HERC1: variants seen among roughly 807,000 people sequenced by gnomAD.
HERC1 encodes the protein probable E3 ubiquitin-protein ligase HERC1.
A neutral mutation model predicts 554.3 loss-of-function variants in HERC1; 160 were observed. That is an observed-to-expected ratio of 0.29 (90% CI 0.25 to 0.33). The LOEUF (loss-of-function observed/expected upper bound fraction) is 0.33. Among genes scored for constraint, HERC1 ranks in the 10% least tolerant of loss-of-function variants. The probability of loss-of-function intolerance (pLI) is 1.00; values close to 1 mark genes in which losing one functional copy is unlikely to be tolerated. For missense variants in HERC1, 4,919 were observed against 5,918.5 expected, an observed-to-expected ratio of 0.83 and a Z score of 5.54; for synonymous variants, 2,175 against 2,131.7, an observed-to-expected ratio of 1.02 and a Z score of -0.56.
At chr15:63,810,878 A>G (rs1224237526) in intron 1 of HERC1, among the ~76,000 whole-genome samples, 3 of 152,240 alleles carry the variant, frequency 2.0e-5, no homozygotes, top group Non-Finnish European at 4.4e-5. Flanking sequence ...AGGTGATTTA[A>G]GGAGTACATA....
chr15:63,674,537 G>A lies in HERC1; in HGVS notation c.7651C>T (p.Pro2551Ser). The A allele has an allele frequency of 6.2e-7, 1 of 1,613,224 alleles. No homozygotes were observed. Among genetic ancestry groups the A allele is most frequent in the Non-Finnish European group, 8.5e-7 (1 of 1,179,514 alleles). Reference sequence around the variant, plus strand: ...ATCTCCACGTCTTCATGAACAACTGGAGAACTTGCACAGTCTGAGTTGTGG... The same window carrying A: ...ATCTCCACGTCTTCATGAACAACTGAAGAACTTGCACAGTCTGAGTTGTGG... ...NGHNSDCASSPVVHEDVEMRA... is the reference protein window; with the variant it reads ...NGHNSDCASSSVVHEDVEMRA... The change falls in exon 38 of 78, where the codon CCA (proline) becomes TCA (serine). Residue 2551 changes from proline to serine, a missense_variant. Transcript: ENST00000443617.
chr15:63,810,553 T>C (rs2077271304), intron 1 of HERC1, among the ~76,000 whole-genome samples: 1 of 152,100 alleles, frequency 6.6e-6, no homozygotes, highest in African/African-American at 2.4e-5. Flanking sequence ...TATGAATGAA[T>C]GAAAGGGAGA....
Position 63,775,728 on chromosome 15 carries a change from A to G in HERC1, c.-26-79T>C, listed in dbSNP as rs959263677. 1.2e-5 allele frequency: 12 copies of G among 989,640 alleles called. No homozygotes were observed. In the African/African-American group the frequency reaches 1.8e-4, roughly 15 times the overall value. The allele number at this position is 989,640 out of a possible 1,614,324, so 61.3% of individuals were successfully genotyped here. On this transcript the variant is annotated intron_variant, in intron 1 of 77. Coordinates refer to ENST00000443617, the MANE Select transcript of HERC1 (RefSeq NM_003922.4). This position sits in a 1 kb window ranked among gnomAD's most constrained non-coding sequence, Gnocchi z 4.0. ...TTTCCAAAATTTCATCTTACATTACAATTAATGATTTCAAACTGGTGAAAT... is the reference window on the plus strand; with the variant it reads ...TTTCCAAAATTTCATCTTACATTACGATTAATGATTTCAAACTGGTGAAAT...
chr15:63,612,017 T>A lies in HERC1; in HGVS notation c.14400+234A>T, dbSNP rs1246690298. On this transcript the variant is annotated intron_variant, in intron 77 of 77. Coordinates refer to ENST00000443617, the MANE Select transcript of HERC1 (RefSeq NM_003922.4). The surrounding 1 kb of genome is among the most constrained non-coding windows in gnomAD (Gnocchi z 5.0). ...CTGGCCAACATGGTGAATCCCCGTCTCTACCAAAATATACAAAAAAATTAG... is the reference window on the plus strand; with the variant it reads ...CTGGCCAACATGGTGAATCCCCGTCACTACCAAAATATACAAAAAAATTAG... Among the ~76,000 whole-genome samples, 1 of 152,152 alleles carries A rather than the reference T, an allele frequency of 6.6e-6. No individual in the cohort carries two copies. Among genetic ancestry groups the A allele is most frequent in the African/African-American group, 2.4e-5 (1 of 41,438 alleles).
At chr15:63,648,299 T>G (rs538196406) in intron 54 of HERC1, 100 bp from the exon 55 acceptor site, 20 of 1,211,942 alleles carry the variant, frequency 1.7e-5, no homozygotes, top group African/African-American at 3.0e-5. Flanking sequence ...AATGCAACCA[T>G]TGCAAGTAAA....
intron 12 of HERC1, among the ~76,000 whole-genome samples, chr15:63,743,263 C>CTTTTTTTTTTTTTT (rs71131177): frequency 1.5e-4 from 16 of 109,176 alleles, no homozygotes; most frequent in East Asian, 7.3e-4. Context: ...TTTTCTTTTT[C>CTTTTTTTTTTTTTT]TTTTTTTTTT....
intron 34 of HERC1, among the ~76,000 whole-genome samples, chr15:63,684,237 T>C (rs985941428): frequency 2.6e-5 from 4 of 152,238 alleles, no homozygotes; most frequent in African/African-American, 9.6e-5. Context: ...GACTGATCAA[T>C]TGACTCTACA....
At chr15:63,703,067 G>A (rs1424924534) in intron 25 of HERC1, among the ~76,000 whole-genome samples, 1 of 142,654 alleles carries the variant, frequency 7.0e-6, no homozygotes, top group African/African-American at 2.6e-5. Context: ...CCGTGATCAC[G>A]CCACTGCACT....
At chr15:63,700,990 T>C (rs754542602) in intron 25 of HERC1, among the ~76,000 whole-genome samples, 11 of 151,992 alleles carry the variant, frequency 7.2e-5, no homozygotes, top group Non-Finnish European at 1.0e-4. Context: ...TTACAAATGA[T>C]AGATTCTGGC....
chr15:63,761,317 C>T (rs1031590368), intron 3 of HERC1, among the ~76,000 whole-genome samples: 6 of 152,132 alleles, frequency 3.9e-5, no homozygotes, highest in Non-Finnish European at 5.9e-5. Flanking sequence ...CCATGGCTCA[C>T]GTCTGTAATA....
chr15:63,733,039 C>T lies in HERC1; in HGVS notation c.2753G>A (p.Cys918Tyr). The change falls in exon 14 of 78, where the codon TGT becomes TAT. Residue 918 changes from cysteine (C) to tyrosine (Y), a missense_variant. Around this residue, in one of 11 missense-constraint regions of HERC1, gnomAD observed 744 missense variants for 1,090.0 expected, o/e 0.68. Coordinates refer to ENST00000443617, the MANE Select transcript of HERC1 (RefSeq NM_003922.4). ...ATCTGACAGATTTCCGTAGCCAGTA[C>T]ACACAGAAGATAGGTCAGCAGCATC... ...PSDAADLSSV[C>Y]TGYGNLSDQP... 1.2e-6 allele frequency: 2 copies of T among 1,613,862 alleles called. No individual in the cohort carries two copies. Among genetic ancestry groups the T allele is most frequent in the Non-Finnish European group, 1.7e-6 (2 of 1,179,764 alleles).
At chr15:63,635,230 G>A (rs1017953125) in intron 65 of HERC1, among the ~76,000 whole-genome samples, 3 of 151,998 alleles carry the variant, frequency 2.0e-5, no homozygotes, top group Non-Finnish European at 2.9e-5. Context: ...TCTATTTTTT[G>A]TAGAGACAGG....
chr15:63,802,403 AC>A (rs2077023015), intron 1 of HERC1, among the ~76,000 whole-genome samples: 1 of 152,250 alleles, frequency 6.6e-6, no homozygotes, highest in African/African-American at 2.4e-5. Context: ...AGTCAAATAA[AC>A]CTGGAAACAG....
chr15:63,817,899 A>G (rs1400281181), intron 1 of HERC1, among the ~76,000 whole-genome samples: 1 of 152,018 alleles, frequency 6.6e-6, no homozygotes, highest in Non-Finnish European at 1.5e-5. Flanking sequence ...TAATAAAAAG[A>G]TAAGAAAAAA....
intron 51 of HERC1, among the ~76,000 whole-genome samples, chr15:63,652,825 A>T (rs1268712746): frequency 6.6e-6 from 1 of 152,002 alleles, no homozygotes; most frequent in Non-Finnish European, 1.5e-5. Flanking sequence ...TAATTTTTGT[A>T]TTTTTAGTAG....
At chr15:63,636,273 G>GTTTTTTT (rs377344540) in intron 64 of HERC1, 131 bp from the exon 65 acceptor site, 1 of 523,708 alleles carries the variant, frequency 1.9e-6, no homozygotes, top group Non-Finnish European at 3.1e-6. Context: ...AATTTCATTA[G>GTTTTTTT]TTTTTTTTTT....
chr15:63,628,530 C>G, intron 70 of HERC1, 147 bp downstream of exon 70: 1 of 797,468 alleles, frequency 1.3e-6, no homozygotes. Flanking sequence ...ACTTCCAGTG[C>G]TAGTAGCACA....
At chr15:63,802,020 T>C (rs1567142075) in intron 1 of HERC1, among the ~76,000 whole-genome samples, 1 of 152,210 alleles carries the variant, frequency 6.6e-6, no homozygotes, top group African/African-American at 2.4e-5. Context: ...TCTCCCCCAA[T>C]ACACAGTACT....
At position 63,674,361 on chromosome 15, in the gene HERC1, A is replaced by G; in HGVS notation, c.7827T>C (p.Phe2609=). 1 of 1,604,754 alleles carries G rather than the reference A, an allele frequency of 6.2e-7. No homozygotes were observed. Among genetic ancestry groups the G allele is most frequent in the Non-Finnish European group, 8.5e-7 (1 of 1,174,752 alleles). ...LVVHGLLEDQ[F]GGKIKQEIDQ... ...ACATACCTTGCTTAATTTTGCCCCC[A>G]AACTGGTCTTCCAAAAGCCCATGAA... Residue 2609 remains phenylalanine (F), a synonymous_variant, in exon 38 of 78, where the codon TTT becomes TTC. Transcript: ENST00000443617.
Sources: gnomAD v4.1 joint callset for allele counts (sites outside exome capture counted in the v4.1 genomes callset) on GRCh38, gnomAD v4.1.1 for gene constraint, gnomAD v4.1.1 regional missense constraint, Gnocchi (gnomAD v3.1) non-coding constraint, MANE v1.5 for transcripts, NCBI Gene and HGNC (gene_info 2026-07-23, HGNC 2026-07-21) for gene names.